Variants in GALNT9 observed in about 807,000 individuals in gnomAD.
GALNT9 encodes the protein GalNAc transferase 9.
In GALNT9, 47 loss-of-function variants were observed where a neutral mutation model predicts 63.1. The ratio of observed to expected loss-of-function variants is 0.75; its 90% CI spans 0.59 to 0.95. The LOEUF (loss-of-function observed/expected upper bound fraction) is 0.95, where lower values mean the gene tolerates loss of function less well. GALNT9 is among the 40% of genes least tolerant of loss of function. The probability of loss-of-function intolerance (pLI) is 0.00; values close to 1 mark genes in which losing one functional copy is unlikely to be tolerated. For synonymous variants in GALNT9, 396 were observed against 365.7 expected (o/e 1.08, Z -0.94); for missense variants, 829 against 874.8 (o/e 0.95, Z 0.66).
intron 6 of GALNT9, among the ~76,000 whole-genome samples, chr12:132,211,148 C>T (rs1876942703): frequency 6.6e-6 from 1 of 152,208 alleles, no homozygotes; most frequent in East Asian, 1.9e-4. Flanking sequence ...TCATCCGCCA[C>T]ATTCACCTGA....
intron 2 of GALNT9, among the ~76,000 whole-genome samples, chr12:132,264,607 C>T (rs900216761): frequency 1.3e-5 from 2 of 152,228 alleles, no homozygotes; most frequent in African/African-American, 2.4e-5. Flanking sequence ...TCCAAACCTT[C>T]CAGGGGTTTG....
chr12:132,226,532 C>T (rs1026560813), intron 6 of GALNT9, among the ~76,000 whole-genome samples: 1 of 144,394 alleles, frequency 6.9e-6, no homozygotes, highest in Non-Finnish European at 1.5e-5. Context: ...CACACACATA[C>T]ACAACACACA....
intron 6 of GALNT9, among the ~76,000 whole-genome samples, chr12:132,217,500 C>T (rs567658388): frequency 3.4e-5 from 5 of 147,948 alleles, no homozygotes; most frequent in African/African-American, 5.0e-5. Context: ...GCATCCCCAC[C>T]CATCCATCCA....
intron 1 of GALNT9, among the ~76,000 whole-genome samples, chr12:132,305,117 G>A (rs369075158): frequency 0.061 from 827 of 13,558 alleles, no homozygotes; most frequent in East Asian, 0.28. Context: ...ACCCAGACAC[G>A]CCCTCACCCG....
intron 6 of GALNT9, among the ~76,000 whole-genome samples, chr12:132,241,000 GGCCCTCCCT>G: frequency 7.3e-6 from 1 of 137,144 alleles, no homozygotes; most frequent in East Asian, 2.2e-4. Context: ...CCCTTCCCGG[GGCCCTCCCT>G]ATACCCATTA....
At chr12:132,240,702 C>T (rs1452540975) in intron 6 of GALNT9, 3 of 455,836 alleles carry the variant, frequency 6.6e-6, no homozygotes, top group African/African-American at 2.0e-5. Context: ...TATAATTTAC[C>T]TTATCTTGCT....
intron 6 of GALNT9, among the ~76,000 whole-genome samples, chr12:132,226,464 C>G (rs1158512852): frequency 6.7e-6 from 1 of 148,906 alleles, no homozygotes; most frequent in Non-Finnish European, 1.5e-5. Flanking sequence ...TACACCCACC[C>G]CACACACTGT....
chr12:132,320,598 G>A (rs1236611640), intron 1 of GALNT9, among the ~76,000 whole-genome samples: 1 of 35,186 alleles, frequency 2.8e-5, no homozygotes, highest in Non-Finnish European at 5.7e-5. Context: ...TGAGAGTATG[G>A]CCAGGTGTGT....
At chr12:132,201,886 C>T (rs948374524) in intron 7 of GALNT9, among the ~76,000 whole-genome samples, 4 of 151,576 alleles carry the variant, frequency 2.6e-5, no homozygotes, top group Non-Finnish European at 4.4e-5. Context: ...TCTGTGTCTT[C>T]CTGGGACTGT....
rs28637336 is a variant in GALNT9 at position 132,268,645 on chromosome 12, G to T, written c.420-6020C>A. 8.4e-3 allele frequency among the ~76,000 whole-genome samples: 1,275 copies of T among 152,358 alleles called. 21 individuals are homozygous for T. Among genetic ancestry groups the T allele is most frequent in the African/African-American group, 0.029 (1,221 of 41,590 alleles). ...ACTGGAGAAAATACTTTCAAAGCACGCATCTGATAAAGGACTTGTATCCAG... is the reference window on the plus strand; with the variant it reads ...ACTGGAGAAAATACTTTCAAAGCACTCATCTGATAAAGGACTTGTATCCAG... On this transcript the variant is annotated intron_variant, in intron 2 of 10. Coordinates refer to ENST00000328957, the MANE Select transcript of GALNT9 (RefSeq NM_001122636.2).
At chr12:132,280,916 C>T (rs555257932) in intron 2 of GALNT9, 1 of 152,428 alleles carries the variant, frequency 6.6e-6, no homozygotes, top group African/African-American at 2.4e-5. Flanking sequence ...CTCAGTTTCC[C>T]CATATGTAAA....
Position 132,228,357 on chromosome 12 carries a change from TC to T in GALNT9, c.1077+19552del, listed in dbSNP as rs1877775623. On this transcript the variant is annotated intron_variant, in intron 6 of 10. Transcript: ENST00000328957. ...GGGCGGCCCGTCAGCACCTCCTCGCTCCCTCCCCAGAGGAAGGGTGATACCT... is the reference window on the plus strand; with the variant it reads ...GGGCGGCCCGTCAGCACCTCCTCGCTCCTCCCCAGAGGAAGGGTGATACCT... Among the ~76,000 whole-genome samples, 3 of 141,280 alleles carry T rather than the reference TC, an allele frequency of 2.1e-5. No individual in the cohort carries two copies. In the East Asian group the frequency reaches 5.9e-4, roughly 28 times the overall value. The allele number at this position is 141,280 out of a possible 152,430, so 92.7% of individuals were successfully genotyped here.
rs1878856660 is a variant in GALNT9 at position 132,250,230 on chromosome 12, A to G, written c.960-2203T>C. 5.3e-5 allele frequency among the ~76,000 whole-genome samples: 8 copies of G among 151,776 alleles called. No homozygotes were observed. The South Asian group carries it at 1.5e-3, about 28-fold the overall frequency. On this transcript the variant is annotated intron_variant, in intron 5 of 10. Coordinates refer to ENST00000328957, the MANE Select transcript of GALNT9 (RefSeq NM_001122636.2). ...GTGACTCCGTCCGCATGCAAGGAACAGAAGAGGCAAGTCCACGGGGGCAGG... is the reference window on the plus strand; with the variant it reads ...GTGACTCCGTCCGCATGCAAGGAACGGAAGAGGCAAGTCCACGGGGGCAGG...
chr12:132,272,310 G>A (rs1879901584), intron 2 of GALNT9, among the ~76,000 whole-genome samples: 1 of 152,222 alleles, frequency 6.6e-6, no homozygotes, highest in Non-Finnish European at 1.5e-5. Flanking sequence ...GTCAGGGCAG[G>A]TGCTCCTTGG....
chr12:132,201,208 C>T lies in GALNT9; in HGVS notation c.1317G>A (p.Arg439=). The change falls in exon 8 of 11, where the codon AGG becomes AGA. Residue 439 remains arginine, a synonymous_variant. Coordinates refer to ENST00000328957, the MANE Select transcript of GALNT9 (RefSeq NM_001122636.2). ...DVSERLALRQ[R]LKCRSFKWYL... ...ACCACTTGAAGCTGCGACACTTCAG[C>T]CTCTGACGCAGGGCCAGCCTCTCAG... is the stretch of plus-strand genomic sequence containing the variant. The T allele has an allele frequency of 6.2e-7, 1 of 1,612,816 alleles. No homozygotes were observed. The highest frequency in any genetic ancestry group is 8.5e-7 in the Non-Finnish European group (1 of 1,178,990).
chr12:132,323,938 G>A (rs1364007357), intron 1 of GALNT9, among the ~76,000 whole-genome samples: 4 of 152,080 alleles, frequency 2.6e-5, no homozygotes, highest in African/African-American at 7.2e-5. Context: ...TCCCGGCCAC[G>A]GCCACTCCGG....
chr12:132,278,459 G>C (rs1452390505), intron 2 of GALNT9: 1 of 152,256 alleles, frequency 6.6e-6, no homozygotes, highest in Non-Finnish European at 1.5e-5. Context: ...GCCTCCCCGG[G>C]AGCCGGTGCT....
chr12:132,201,413 A>ACCCCCCCCGGCCCCATCCAGGTGGGACC (rs35906641), intron 7 of GALNT9, 152 bp from the exon 8 acceptor site: 1 of 585,910 alleles, frequency 1.7e-6, no homozygotes, highest in African/African-American at 1.9e-5. Flanking sequence ...TCCAGTTGGG[A>ACCCCCCCCGGCCCCATCCAGGTGGGACC]CCCCCCAGCC....
chr12:132,306,008 G>A (rs921963467), intron 1 of GALNT9, among the ~76,000 whole-genome samples: 1 of 152,072 alleles, frequency 6.6e-6, no homozygotes, highest in Non-Finnish European at 1.5e-5. Context: ...CCTCAGGACA[G>A]GGGGGCTCAT....
Sources: allele counts gnomAD v4.1 joint callset (sites outside exome capture counted in the v4.1 genomes callset), GRCh38; gene constraint gnomAD v4.1.1; transcripts MANE v1.5; gene names NCBI Gene and HGNC (gene_info 2026-07-23, HGNC 2026-07-21).